The following USH2A variants were observed in gnomAD, a reference collection of about 807,000 sequenced individuals.
USH2A encodes the protein usherin.
USH2A carries 443 observed loss-of-function variants against 538.9 expected under a neutral mutation model. That is an observed-to-expected ratio of 0.82 (90% CI 0.76 to 0.89). USH2A has a LOEUF of 0.89. USH2A is among the 40% of genes least tolerant of loss of function. USH2A has a pLI of 0.00. For synonymous variants in USH2A, 2,413 were observed against 2,273.5 expected, an observed-to-expected ratio of 1.06 and a Z score of -1.75; for missense variants, 6,633 against 6,324.8, an observed-to-expected ratio of 1.05 and a Z score of -1.65.
chr1:216,111,949 A>G (rs940402641), intron 21 of USH2A, among the ~76,000 whole-genome samples: 1 of 151,940 alleles, frequency 6.6e-6, no homozygotes, highest in African/African-American at 2.4e-5. Flanking sequence ...TCATTTTCAT[A>G]TGGAAGTAAC....
At chr1:215,709,952 C>G (rs918604654) in intron 61 of USH2A, among the ~76,000 whole-genome samples, 2 of 152,096 alleles carry the variant, frequency 1.3e-5, no homozygotes, top group South Asian at 4.1e-4. Flanking sequence ...TGAAGAAGAC[C>G]GATGCACATA....
intron 4 of USH2A, among the ~76,000 whole-genome samples, chr1:216,355,363 G>T (rs2038371245): frequency 6.8e-6 from 1 of 147,680 alleles, no homozygotes; most frequent in Non-Finnish European, 1.5e-5. Flanking sequence ...AAGAAAGAAA[G>T]AAAGAAAGAA....
intron 50 of USH2A, among the ~76,000 whole-genome samples, chr1:215,791,846 G>GTA (rs1008989787): frequency 2.0e-5 from 3 of 151,988 alleles, no homozygotes; most frequent in African/African-American, 4.8e-5. Flanking sequence ...ATATGTATGT[G>GTA]TATATATACA....
At chr1:216,377,224 G>A (rs1273718178) in intron 3 of USH2A, among the ~76,000 whole-genome samples, 3 of 152,132 alleles carry the variant, frequency 2.0e-5, no homozygotes, top group Non-Finnish European at 4.4e-5. Flanking sequence ...CTAGAATTGA[G>A]AATAATACCA....
intron 21 of USH2A, among the ~76,000 whole-genome samples, chr1:216,099,951 C>T (rs1198814135): frequency 6.6e-6 from 1 of 151,906 alleles, no homozygotes; most frequent in Non-Finnish European, 1.5e-5. Flanking sequence ...AAAGCCATGT[C>T]TAAGAGACAG....
At chr1:215,678,714 A>C (rs1480746668) in intron 62 of USH2A, among the ~76,000 whole-genome samples, 1 of 143,210 alleles carries the variant, frequency 7.0e-6, no homozygotes, top group Non-Finnish European at 1.5e-5. Context: ...ATTCACACAG[A>C]CACACACACA....
intron 61 of USH2A, among the ~76,000 whole-genome samples, chr1:215,688,022 A>C (rs1298248811): frequency 1.3e-5 from 2 of 152,118 alleles, no homozygotes; most frequent in Non-Finnish European, 2.9e-5. Context: ...GTAAATTATG[A>C]AGGGAATAAG....
At chr1:216,068,612 G>A (rs985397916) in intron 30 of USH2A, among the ~76,000 whole-genome samples, 5 of 151,978 alleles carry the variant, frequency 3.3e-5, no homozygotes, top group African/African-American at 1.2e-4. Flanking sequence ...GTGAGAGGAC[G>A]ATAAGCTATC....
At chr1:216,007,379 A>T (rs1050694948) in intron 32 of USH2A, among the ~76,000 whole-genome samples, 12 of 152,148 alleles carry the variant, frequency 7.9e-5, no homozygotes, top group Admixed American at 1.3e-4. Flanking sequence ...TTCTGGACAG[A>T]GTGACTGAGG....
chr1:216,180,903 A>G (rs957499286), intron 20 of USH2A, among the ~76,000 whole-genome samples: 3 of 152,100 alleles, frequency 2.0e-5, no homozygotes, highest in Non-Finnish European at 2.9e-5. Context: ...CAGGACGCAA[A>G]CAAGAAGTCC....
chr1:215,737,362 A>AT (rs1447704075), intron 60 of USH2A, among the ~76,000 whole-genome samples: 2 of 151,872 alleles, frequency 1.3e-5, no homozygotes, highest in African/African-American at 4.8e-5. Flanking sequence ...CTGTTAAAAC[A>AT]TTTTTTCTAA....
chr1:215,639,537 A>G (rs1656609827), intron 68 of USH2A, among the ~76,000 whole-genome samples: 1 of 152,230 alleles, frequency 6.6e-6, no homozygotes, highest in African/African-American at 2.4e-5. Flanking sequence ...CTTGTTCTGC[A>G]CACGGTTTAA....
intron 32 of USH2A, among the ~76,000 whole-genome samples, chr1:216,006,263 A>C (rs903835698): frequency 1.2e-4 from 18 of 152,190 alleles, no homozygotes; most frequent in African/African-American, 4.3e-4. Flanking sequence ...CTCTGACCAC[A>C]AACTGGTTAC....
chr1:215,855,249 A>G (rs1664132378), intron 44 of USH2A, among the ~76,000 whole-genome samples: 1 of 152,198 alleles, frequency 6.6e-6, no homozygotes, highest in Non-Finnish European at 1.5e-5. Flanking sequence ...TTGGATGACT[A>G]AAGAGTCATC....
At chr1:215,799,759 G>T (rs964172127) in intron 49 of USH2A, among the ~76,000 whole-genome samples, 1 of 152,122 alleles carries the variant, frequency 6.6e-6, no homozygotes, top group Non-Finnish European at 1.5e-5. Context: ...GCCTAGGTGG[G>T]TGGATAACTT....
At chr1:215,875,442 T>C (rs969014094) in intron 43 of USH2A, among the ~76,000 whole-genome samples, 6 of 152,170 alleles carry the variant, frequency 3.9e-5, no homozygotes, top group Non-Finnish European at 8.8e-5. Context: ...CACACTTCCC[T>C]TCCGGAAGCA....
chr1:216,245,667 C>T (rs2036026015), intron 13 of USH2A, among the ~76,000 whole-genome samples: 1 of 152,042 alleles, frequency 6.6e-6, no homozygotes, highest in South Asian at 2.1e-4. Context: ...ACTTACATCA[C>T]AAAAAGAATG....
intron 30 of USH2A, among the ~76,000 whole-genome samples, chr1:216,067,458 G>T (rs1336800114): frequency 6.7e-6 from 1 of 149,168 alleles, no homozygotes; most frequent in Admixed American, 6.7e-5. Context: ...GGGACATGAT[G>T]TTGGATGCTC....
At chr1:216,199,500 G>C (rs1311518442) in intron 17 of USH2A, 127 bp downstream of exon 17, 3 of 1,379,414 alleles carry the variant, frequency 2.2e-6, no homozygotes, top group Non-Finnish European at 2.0e-6. Context: ...TTTAGAAACT[G>C]TTTCTCAATT....
Sources: gnomAD v4.1 joint callset for allele counts (sites outside exome capture counted in the v4.1 genomes callset) on GRCh38, gnomAD v4.1.1 for gene constraint, MANE v1.5 for transcripts, NCBI Gene and HGNC (gene_info 2026-07-23, HGNC 2026-07-21) for gene names.